The following MAML3 variants were observed in gnomAD, a reference collection of about 807,000 sequenced individuals.
The protein encoded by MAML3 is mastermind like transcriptional coactivator 3.
MAML3 carries 27 observed loss-of-function variants against 101.9 expected under a neutral mutation model. That is an observed-to-expected ratio of 0.27 (90% CI 0.20 to 0.37). The LOEUF (loss-of-function observed/expected upper bound fraction) is 0.37. Ranked by LOEUF, MAML3 falls within the 10% of genes least tolerant of loss-of-function variation. The probability of loss-of-function intolerance (pLI) is 1.00; values close to 1 mark genes in which losing one functional copy is unlikely to be tolerated. For synonymous variants in MAML3, 501 were observed against 555.9 expected, an observed-to-expected ratio of 0.90 and a Z score of 1.39; for missense variants, 1,316 against 1,444.9, an observed-to-expected ratio of 0.91 and a Z score of 1.45.
intron 1 of MAML3, among the ~76,000 whole-genome samples, chr4:140,102,073 T>C (rs991633267): frequency 6.6e-5 from 10 of 152,170 alleles, no homozygotes; most frequent in Non-Finnish European, 1.0e-4. Context: ...AAATGATTTG[T>C]GTTGTTTTGT....
chr4:139,855,849 G>C (rs1050115554), intron 2 of MAML3, among the ~76,000 whole-genome samples: 1 of 152,180 alleles, frequency 6.6e-6, no homozygotes, highest in Non-Finnish European at 1.5e-5. Context: ...AAGTTATTAT[G>C]AGGAAACCAC....
intron 2 of MAML3, among the ~76,000 whole-genome samples, chr4:139,824,132 C>G (rs563179606): frequency 1.3e-5 from 2 of 152,132 alleles, no homozygotes; most frequent in Non-Finnish European, 2.9e-5. Context: ...CATCGACACC[C>G]CACCCCCAGC....
chr4:139,825,173 TA>T (rs1243734708), intron 2 of MAML3, among the ~76,000 whole-genome samples: 1 of 151,568 alleles, frequency 6.6e-6, no homozygotes, highest in Non-Finnish European at 1.5e-5. Context: ...CCTTCCCTCT[TA>T]AAAAAAAGAA....
chr4:140,137,114 G>A (rs370197331), intron 1 of MAML3, among the ~76,000 whole-genome samples: 1 of 152,162 alleles, frequency 6.6e-6, no homozygotes, highest in South Asian at 2.1e-4. Flanking sequence ...TCAGCCTCCT[G>A]AGTAGCTGGG....
At chr4:140,136,117 G>T (rs989780926) in intron 1 of MAML3, among the ~76,000 whole-genome samples, 3 of 152,146 alleles carry the variant, frequency 2.0e-5, no homozygotes, top group Non-Finnish European at 4.4e-5. Flanking sequence ...TCAATTTATA[G>T]GGAAATCCAA....
At chr4:140,055,642 A>G (rs560313747) in intron 1 of MAML3, among the ~76,000 whole-genome samples, 1 of 152,360 alleles carries the variant, frequency 6.6e-6, no homozygotes, top group African/African-American at 2.4e-5. Flanking sequence ...AGGTAAAAAT[A>G]TAGCTCCTTG....
chr4:139,989,111 G>A (rs967768953), intron 1 of MAML3, among the ~76,000 whole-genome samples: 1 of 152,078 alleles, frequency 6.6e-6, no homozygotes, highest in African/African-American at 2.4e-5. Flanking sequence ...TCTGTCCATC[G>A]AGAGCACACT....
chr4:139,759,193 G>C (rs545527042), intron 2 of MAML3, among the ~76,000 whole-genome samples: 17 of 152,348 alleles, frequency 1.1e-4, no homozygotes, highest in Non-Finnish European at 2.1e-4. Flanking sequence ...CAGCTGGATG[G>C]TACAGGGCAC....
At chr4:139,963,096 A>T (rs940806637) in intron 1 of MAML3, among the ~76,000 whole-genome samples, 1 of 152,144 alleles carries the variant, frequency 6.6e-6, no homozygotes, top group Admixed American at 6.5e-5. Flanking sequence ...GAAGTTAGTG[A>T]AGAGGTGAGG....
intron 2 of MAML3, among the ~76,000 whole-genome samples, chr4:139,815,293 T>C (rs1162531396): frequency 6.6e-6 from 1 of 152,204 alleles, no homozygotes; most frequent in African/African-American, 2.4e-5. Flanking sequence ...GAATGAATCA[T>C]TTCTCTTACA....
intron 1 of MAML3, among the ~76,000 whole-genome samples, chr4:140,059,350 C>T (rs983462370): frequency 3.9e-5 from 6 of 152,144 alleles, no homozygotes; most frequent in African/African-American, 1.4e-4. Context: ...TGCCTGCTGG[C>T]AGGGAGGGTG....
In MAML3 at chr4:140,037,901, A is replaced by G. The variant is rs183587739; in HGVS notation, c.468+114959T>C. ...GCTGTATGGGGCTCTCTTTGTGGTG[A>G]TAATTGGTTTGGCTGTCCATTCCAC... is the stretch of plus-strand genomic sequence containing the variant. On this transcript the variant is annotated intron_variant, in intron 1 of 4. Coordinates refer to ENST00000509479, the MANE Select transcript of MAML3 (RefSeq NM_018717.5). Among the ~76,000 whole-genome samples, 114 of 152,340 alleles carry G rather than the reference A, an allele frequency of 7.5e-4. 1 individual carries two copies. Among genetic ancestry groups the G allele is most frequent in the Admixed American group, 2.7e-3 (41 of 15,300 alleles).
chr4:139,814,762 A>G (rs772323701), intron 2 of MAML3, among the ~76,000 whole-genome samples: 1 of 151,876 alleles, frequency 6.6e-6, no homozygotes, highest in Non-Finnish European at 1.5e-5. Context: ...TCCAAATCCT[A>G]CCTGCATCTG....
At chr4:139,909,235 A>G (rs1405286274) in intron 1 of MAML3, among the ~76,000 whole-genome samples, 2 of 152,260 alleles carry the variant, frequency 1.3e-5, no homozygotes, top group Non-Finnish European at 2.9e-5. Context: ...GGAAAGGATT[A>G]GTCAGATTAT....
chr4:140,083,975 G>C (rs879840916), intron 1 of MAML3, among the ~76,000 whole-genome samples: 3,473 of 22,080 alleles, frequency 0.16, 45 homozygotes, highest in Non-Finnish European at 0.22. Context: ...CACAGAGAGA[G>C]AGAGAGAGAG....
At chr4:139,856,174 G>A (rs1014327635) in intron 2 of MAML3, among the ~76,000 whole-genome samples, 1 of 152,248 alleles carries the variant, frequency 6.6e-6, no homozygotes, top group Non-Finnish European at 1.5e-5. Flanking sequence ...CTTGGTAGCT[G>A]TCCAGTATAT....
chr4:139,946,921 ACACACTCTCTCTCT>A (rs1246528096), intron 1 of MAML3, among the ~76,000 whole-genome samples: 736 of 68,814 alleles, frequency 0.011, 6 homozygotes, highest in African/African-American at 0.04. Context: ...ACACACACAC[ACACACTCTCTCTCT>A]CTCTCTCTCT....
intron 2 of MAML3, among the ~76,000 whole-genome samples, chr4:139,869,033 G>C (rs945827649): frequency 7.2e-5 from 11 of 152,130 alleles, no homozygotes; most frequent in Non-Finnish European, 1.5e-4. Context: ...GAAATGGGTG[G>C]GGCACTCAAG....
chr4:140,063,291 A>G (rs564262893), intron 1 of MAML3, among the ~76,000 whole-genome samples: 1 of 152,338 alleles, frequency 6.6e-6, no homozygotes, highest in East Asian at 1.9e-4. Flanking sequence ...GAGGGAATGA[A>G]AGCCACAGAG....
Sources: allele counts gnomAD v4.1 joint callset (sites outside exome capture counted in the v4.1 genomes callset), GRCh38; gene constraint gnomAD v4.1.1; transcripts MANE v1.5; gene names NCBI Gene and HGNC (gene_info 2026-07-23, HGNC 2026-07-21).